Variants in HMHB1 observed in about 807,000 individuals in gnomAD.
HMHB1 encodes the protein minor histocompatibility protein HB-1.
Under a neutral mutation model 2.4 loss-of-function variants are expected in HMHB1, and 4 were observed. That is an observed-to-expected ratio of 1.65 (90% confidence interval 0.81 to 3.77). The LOEUF (loss-of-function observed/expected upper bound fraction) is 3.77, where lower values mean the gene tolerates loss of function less well. Among genes scored for constraint, HMHB1 ranks in the 30% most tolerant of loss-of-function variants. The pLI, the probability that HMHB1 is intolerant of heterozygous loss-of-function variation, is 0.01. For synonymous variants in HMHB1, 22 were observed against 17.6 expected, an observed-to-expected ratio of 1.25 and a Z score of -0.63; for missense variants, 57 against 44.2, an observed-to-expected ratio of 1.29 and a Z score of -0.82.
In HMHB1 at chr5:143,812,865, T is replaced by A. The variant is rs572505831; in HGVS notation, c.37+561T>A. On this transcript the variant is annotated intron_variant, in intron 1 of 1. Transcript: ENST00000289448. ...GAGGGGGGTATAGCTTTCCCCAGTTTACAGATAAAGACACGATGGCTTCAT... is the reference window on the plus strand; with the variant it reads ...GAGGGGGGTATAGCTTTCCCCAGTTAACAGATAAAGACACGATGGCTTCAT... Among the ~76,000 whole-genome samples, 10 of 152,336 alleles carry A rather than the reference T, an allele frequency of 6.6e-5. No homozygotes were observed. In the South Asian group the frequency reaches 2.1e-3, roughly 32 times the overall value.
intron 1 of HMHB1, among the ~76,000 whole-genome samples, chr5:143,816,331 G>A (rs1759749223): frequency 6.6e-6 from 1 of 152,074 alleles, no homozygotes; most frequent in Non-Finnish European, 1.5e-5. Context: ...CATCCTATTT[G>A]TAGTCTTTTA....
chr5:143,817,936 A>T (rs1191362292), intron 1 of HMHB1, among the ~76,000 whole-genome samples: 1 of 152,236 alleles, frequency 6.6e-6, no homozygotes, highest in Admixed American at 6.5e-5. Context: ...ACCTTTGAAA[A>T]TGTGGAAAAG....
At chr5:143,816,197 AT>A (rs1168629860) in intron 1 of HMHB1, among the ~76,000 whole-genome samples, 1 of 152,134 alleles carries the variant, frequency 6.6e-6, no homozygotes, top group African/African-American at 2.4e-5. Flanking sequence ...CCAAGAATAT[AT>A]TTTTTAAATA....
At chr5:143,813,112 G>A (rs1472671528) in intron 1 of HMHB1, among the ~76,000 whole-genome samples, 1 of 152,176 alleles carries the variant, frequency 6.6e-6, no homozygotes, top group East Asian at 1.9e-4. Flanking sequence ...GACTGATGAG[G>A]CCGGGGAAGC....
chr5:143,813,950 G>A (rs1193407776), intron 1 of HMHB1, among the ~76,000 whole-genome samples: 2 of 152,122 alleles, frequency 1.3e-5, no homozygotes, highest in Non-Finnish European at 2.9e-5. Context: ...GTTACTATGA[G>A]TAACACTATT....
Position 143,820,686 on chromosome 5 carries a change from C to A in HMHB1, c.*118C>A. 3 of 618,848 alleles carry A rather than the reference C, an allele frequency of 4.8e-6. No individual in the cohort carries two copies. Among genetic ancestry groups the A allele is most frequent in the Non-Finnish European group, 8.9e-6 (3 of 338,468 alleles). The allele number at this position is 618,848 out of a possible 1,614,324, so 38.3% of individuals were successfully genotyped here. ...GTGGAACATATGCCCTTTGCCTCTG[C>A]TCTGCACAGTGAAATGAAAAGTCAA... On this transcript the variant is annotated 3_prime_UTR_variant, in exon 2 of 2. Transcript: ENST00000289448.
Position 143,816,567 on chromosome 5 carries a change from G to GTA in HMHB1, c.38-3904_38-3903dup, listed in dbSNP as rs1383590804. On this transcript the variant is annotated intron_variant, in intron 1 of 1. Transcript: ENST00000289448. ...TTTTATGGCTGAGTAGTATTCCATT[G>GTA]TATATATATACCACAGTTTCTTTAT... 5.9e-5 allele frequency among the ~76,000 whole-genome samples: 9 copies of GTA among 152,194 alleles called. No individual in the cohort carries two copies. In the South Asian group the frequency reaches 1.5e-3, roughly 25 times the overall value.
At chr5:143,817,839 A>G (rs1206183576) in intron 1 of HMHB1, among the ~76,000 whole-genome samples, 3 of 152,146 alleles carry the variant, frequency 2.0e-5, no homozygotes, top group Non-Finnish European at 4.4e-5. Flanking sequence ...GCATCCAAAG[A>G]TATCAAATAC....
intron 1 of HMHB1, 108 bp downstream of exon 1, chr5:143,812,412 T>C: frequency 9.7e-7 from 1 of 1,033,772 alleles, no homozygotes; most frequent in Non-Finnish European, 1.5e-6. Flanking sequence ...CCACAACAGG[T>C]GAAAACAGGG....
chr5:143,815,549 TCTCG>T (rs1422192364), intron 1 of HMHB1, among the ~76,000 whole-genome samples: 1 of 151,512 alleles, frequency 6.6e-6, no homozygotes, highest in Non-Finnish European at 1.5e-5. Flanking sequence ...TGAGATGCAG[TCTCG>T]CTCTGTCGCC....
intron 1 of HMHB1, among the ~76,000 whole-genome samples, chr5:143,812,550 A>G (rs182054820): frequency 6.6e-6 from 1 of 152,270 alleles, no homozygotes; most frequent in East Asian, 1.9e-4. Flanking sequence ...AGGGCACCAG[A>G]GGCAGCAGTT....
At position 143,819,013 on chromosome 5, in the gene HMHB1, T is replaced by C. The variant is rs189446411; in HGVS notation, c.38-1467T>C. Among the ~76,000 whole-genome samples the C allele has an allele frequency of 2.0e-5, 3 of 152,280 alleles. No homozygotes were observed. In the East Asian group the frequency reaches 5.8e-4, roughly 29 times the overall value. Reference sequence around the variant, plus strand: ...TAGAAAACATAAAAACAAAAGACCATTCTTTTCTATTTCTTTTCTCTGATT... The same window carrying C: ...TAGAAAACATAAAAACAAAAGACCACTCTTTTCTATTTCTTTTCTCTGATT... On this transcript the variant is annotated intron_variant, in intron 1 of 1. Transcript: ENST00000289448.
intron 1 of HMHB1, among the ~76,000 whole-genome samples, chr5:143,816,790 A>G (rs1351804545): frequency 6.6e-6 from 1 of 152,206 alleles, no homozygotes; most frequent in Non-Finnish European, 1.5e-5. Context: ...ACTGTTTTCC[A>G]TAATGGTTGT....
chr5:143,817,256 G>A (rs1229580374), intron 1 of HMHB1, among the ~76,000 whole-genome samples: 1 of 152,062 alleles, frequency 6.6e-6, no homozygotes, highest in Non-Finnish European at 1.5e-5. Flanking sequence ...TTGCTTTTGG[G>A]TTCTTGGCCA....
chr5:143,815,931 C>T (rs949293293), intron 1 of HMHB1, among the ~76,000 whole-genome samples: 2 of 151,536 alleles, frequency 1.3e-5, no homozygotes, highest in African/African-American at 2.4e-5. Context: ...TGGTCTCGAT[C>T]TCCTGACCTC....
rs60960654 is a variant in HMHB1 at position 143,820,318 on chromosome 5, T to TAAAAA, written c.38-134_38-130dup. On this transcript the variant is annotated intron_variant, in intron 1 of 1. Transcript: ENST00000289448. The stretch of plus-strand genomic sequence containing the variant: ...AGGTGCTGCCCCGGCTCATCATAAG[T>TAAAAA]AAAAAAAAAAAAAAAAAAAAAAAAA... Among the ~76,000 whole-genome samples the TAAAAA allele has an allele frequency of 2.4e-3, 115 of 47,564 alleles. 2 individuals carry two copies. The highest frequency in any genetic ancestry group is 2.8e-3 in the Non-Finnish European group (69 of 24,484). The allele number at this position is 47,564 out of a possible 152,430, so 31.2% of individuals were successfully genotyped here.
chr5:143,818,368 C>T (rs1266381646), intron 1 of HMHB1, among the ~76,000 whole-genome samples: 3 of 152,130 alleles, frequency 2.0e-5, no homozygotes, highest in African/African-American at 7.2e-5. Context: ...ACTCACCCAC[C>T]TCCACCCCTA....
intron 1 of HMHB1, among the ~76,000 whole-genome samples, chr5:143,818,594 C>T (rs1019770128): frequency 6.6e-6 from 1 of 152,180 alleles, no homozygotes; most frequent in African/African-American, 2.4e-5. Flanking sequence ...ATACAAATTC[C>T]AGATCTTCCA....
rs190861993 is a variant in HMHB1 at position 143,820,517 on chromosome 5, T to G, written c.75T>G (p.Val25=). ...TTTGGAAGTCGGAATTGGTTGAAGT[T>G]GAAGATGATGTGTATCTGAGGCACA... Residue 25 remains valine, a synonymous_variant, in exon 2 of 2, where the codon GTT becomes GTG. Coordinates refer to ENST00000289448, the MANE Select transcript of HMHB1 (RefSeq NM_021182.3). 2 of 1,613,372 alleles carry G rather than the reference T, an allele frequency of 1.2e-6. No homozygotes were observed. Among genetic ancestry groups the G allele is most frequent in the Non-Finnish European group, 1.7e-6 (2 of 1,179,462 alleles).
Sources: gnomAD v4.1 joint callset for allele counts (sites outside exome capture counted in the v4.1 genomes callset) on GRCh38, gnomAD v4.1.1 for gene constraint, MANE v1.5 for transcripts, NCBI Gene and HGNC (gene_info 2026-07-23, HGNC 2026-07-21) for gene names.